The following ZNF407 variants were observed in gnomAD, a reference collection of about 807,000 sequenced individuals.
The protein encoded by ZNF407 is zinc finger protein 407.
Under a neutral mutation model 131.2 loss-of-function variants are expected in ZNF407, and 17 were observed. The ratio of observed to expected loss-of-function variants is 0.13; its 90% confidence interval spans 0.09 to 0.19. ZNF407 has a LOEUF of 0.19. Among genes scored for constraint, ZNF407 ranks in the 10% least tolerant of loss-of-function variants. The probability of loss-of-function intolerance (pLI) is 1.00; values close to 1 mark genes in which losing one functional copy is unlikely to be tolerated. For synonymous variants in ZNF407, 1,156 were observed against 1,062.0 expected (o/e 1.09, Z -1.72); for missense variants, 2,681 against 2,830.6 (o/e 0.95, Z 1.20).
chr18:74,661,010 T>C (rs1985690215), intron 3 of ZNF407, among the ~76,000 whole-genome samples: 1 of 152,204 alleles, frequency 6.6e-6, no homozygotes, highest in East Asian at 1.9e-4. Context: ...GCGGATGTCA[T>C]AGAATTCACC....
At chr18:74,848,974 A>G (rs150670278) in intron 4 of ZNF407, among the ~76,000 whole-genome samples, 248 of 152,202 alleles carry the variant, frequency 1.6e-3, no homozygotes, top group Middle Eastern at 0.014. Context: ...CTGAAGTGGC[A>G]AACCATGGAT....
intron 4 of ZNF407, among the ~76,000 whole-genome samples, chr18:74,847,895 T>C (rs540324921): frequency 6.6e-6 from 1 of 152,224 alleles, no homozygotes; most frequent in East Asian, 1.9e-4. Flanking sequence ...TTTTCATCCT[T>C]CTCTCACGTT....
intron 8 of ZNF407, among the ~76,000 whole-genome samples, chr18:74,951,506 C>T (rs1972214036): frequency 6.6e-6 from 1 of 152,152 alleles, no homozygotes. Flanking sequence ...CTCTCACTGC[C>T]TCGTCTTCTC....
chr18:74,911,936 G>A (rs1971678796), intron 7 of ZNF407, among the ~76,000 whole-genome samples: 3 of 152,116 alleles, frequency 2.0e-5, no homozygotes, highest in Admixed American at 2.0e-4. Flanking sequence ...GGTTGTAGGA[G>A]CTTTCTGTTG....
chr18:74,748,773 A>G (rs1485538027), intron 3 of ZNF407, among the ~76,000 whole-genome samples: 1 of 152,186 alleles, frequency 6.6e-6, no homozygotes, highest in Non-Finnish European at 1.5e-5. Flanking sequence ...ATTATTAAGT[A>G]TGGGAATTTC....
At position 74,985,029 on chromosome 18, in the gene ZNF407, A is replaced by G. The variant is rs934135963; in HGVS notation, c.5428+64337A>G. Among the ~76,000 whole-genome samples the G allele has an allele frequency of 3.0e-4, 46 of 152,338 alleles. 1 individual carries two copies. The highest frequency in any genetic ancestry group is 9.4e-4 in the African/African-American group (39 of 41,566). On this transcript the variant is annotated intron_variant, in intron 8 of 8. Coordinates refer to ENST00000299687, the MANE Select transcript of ZNF407 (RefSeq NM_017757.3). Reference sequence around the variant, plus strand: ...TCAGCAATATAAATTACCTTTTCTAATAATATATGCAGTGATACATTAGTG... The same window carrying G: ...TCAGCAATATAAATTACCTTTTCTAGTAATATATGCAGTGATACATTAGTG...
chr18:74,680,760 T>G, intron 3 of ZNF407, among the ~76,000 whole-genome samples: 1 of 152,248 alleles, frequency 6.6e-6, no homozygotes, highest in East Asian at 1.9e-4. Flanking sequence ...TCCCTGGCCT[T>G]TCTTTTTATT....
At chr18:74,698,595 G>C (rs769476266) in intron 3 of ZNF407, among the ~76,000 whole-genome samples, 1 of 152,296 alleles carries the variant, frequency 6.6e-6, no homozygotes, top group East Asian at 1.9e-4. Flanking sequence ...CCTTGCAGGG[G>C]ACATTCATGG....
At chr18:74,610,002 A>G (rs1982984148) in intron 1 of ZNF407, among the ~76,000 whole-genome samples, 1 of 152,164 alleles carries the variant, frequency 6.6e-6, no homozygotes, top group Non-Finnish European at 1.5e-5. Flanking sequence ...CTCAAAACAC[A>G]TATGCCTTTA....
intron 3 of ZNF407, among the ~76,000 whole-genome samples, chr18:74,767,549 A>T (rs1459692100): frequency 6.6e-6 from 1 of 151,936 alleles, no homozygotes; most frequent in East Asian, 1.9e-4. Context: ...ATATATGTAA[A>T]CCTCAATACA....
At chr18:74,816,009 C>T (rs546299975) in intron 4 of ZNF407, among the ~76,000 whole-genome samples, 56 of 152,268 alleles carry the variant, frequency 3.7e-4, no homozygotes, top group African/African-American at 1.3e-3. Flanking sequence ...TTTACTTCTC[C>T]AGCACGATTC....
intron 3 of ZNF407, among the ~76,000 whole-genome samples, chr18:74,698,434 G>A (rs1303660330): frequency 6.6e-6 from 1 of 152,170 alleles, no homozygotes; most frequent in African/African-American, 2.4e-5. Flanking sequence ...TGTATAATGA[G>A]CTGTTGTCCT....
chr18:74,830,728 T>C (rs1970470794), intron 4 of ZNF407, among the ~76,000 whole-genome samples: 1 of 152,252 alleles, frequency 6.6e-6, no homozygotes, highest in South Asian at 2.1e-4. Context: ...GTAATTGGCA[T>C]GTCCATCATC....
intron 8 of ZNF407, among the ~76,000 whole-genome samples, chr18:74,951,704 T>C (rs1283249456): frequency 6.6e-6 from 1 of 152,232 alleles, no homozygotes; most frequent in East Asian, 1.9e-4. Flanking sequence ...TAGGTTTTAA[T>C]CTAAATCATT....
chr18:75,002,308 C>A (rs1349105392), intron 8 of ZNF407, among the ~76,000 whole-genome samples: 1 of 152,146 alleles, frequency 6.6e-6, no homozygotes, highest in Non-Finnish European at 1.5e-5. Context: ...ATAGACTTTC[C>A]TTTTTCTTTC....
chr18:74,723,281 T>C (rs1245268944), intron 3 of ZNF407, among the ~76,000 whole-genome samples: 1 of 152,218 alleles, frequency 6.6e-6, no homozygotes, highest in East Asian at 1.9e-4. Context: ...GCCAGCATTG[T>C]GTCATTTTCA....
At chr18:75,014,603 CT>C (rs1285650651) in intron 8 of ZNF407, among the ~76,000 whole-genome samples, 1 of 152,050 alleles carries the variant, frequency 6.6e-6, no homozygotes, top group Non-Finnish European at 1.5e-5. Context: ...AGATTCTTAA[CT>C]TTTTTTCTTC....
At chr18:74,995,926 A>G (rs1402659079) in intron 8 of ZNF407, among the ~76,000 whole-genome samples, 1 of 152,204 alleles carries the variant, frequency 6.6e-6, no homozygotes, top group Non-Finnish European at 1.5e-5. Context: ...AAGGCCATGT[A>G]TTCTTAATAT....
At chr18:74,758,832 G>C (rs1969025474) in intron 3 of ZNF407, among the ~76,000 whole-genome samples, 1 of 152,056 alleles carries the variant, frequency 6.6e-6, no homozygotes, top group Non-Finnish European at 1.5e-5. Flanking sequence ...CGCCCACCTT[G>C]ACTTCCCAGA....
Sources: gnomAD v4.1 joint callset for allele counts (sites outside exome capture counted in the v4.1 genomes callset) on GRCh38, gnomAD v4.1.1 for gene constraint, MANE v1.5 for transcripts, NCBI Gene and HGNC (gene_info 2026-07-23, HGNC 2026-07-21) for gene names.